Variants in EP400 observed in about 807,000 individuals in gnomAD.
The protein encoded by EP400 is E1A binding protein p400.
A neutral mutation model predicts 354.1 loss-of-function variants in EP400; 105 were observed. The ratio of observed to expected loss-of-function variants is 0.30; its 90% CI spans 0.25 to 0.35. The LOEUF is 0.35. Among genes scored for constraint, EP400 ranks in the 10% least tolerant of loss-of-function variants. The pLI is 1.00. For missense variants in EP400, 3,280 were observed against 4,121.0 expected, an observed-to-expected ratio of 0.80 and a Z score of 5.59; for synonymous variants, 1,646 against 1,716.9, an observed-to-expected ratio of 0.96 and a Z score of 1.02.
intron 39 of EP400, among the ~76,000 whole-genome samples, chr12:132,048,813 G>T (rs1218694238): frequency 6.6e-6 from 1 of 152,216 alleles, no homozygotes; most frequent in Non-Finnish European, 1.5e-5. Context: ...GCCTCCCAAA[G>T]TGTTGGGATT....
At chr12:132,071,150 C>G (rs149772348) in intron 51 of EP400, among the ~76,000 whole-genome samples, 1 of 152,120 alleles carries the variant, frequency 6.6e-6, no homozygotes, top group Non-Finnish European at 1.5e-5. Flanking sequence ...AAATTCTGTT[C>G]TTTTCTACTT....
At chr12:131,954,264 G>T (rs991291178) in intron 1 of EP400, among the ~76,000 whole-genome samples, 5 of 151,702 alleles carry the variant, frequency 3.3e-5, no homozygotes, top group Non-Finnish European at 4.4e-5. Context: ...ATGTGTGTGT[G>T]TCAGCGTCTC....
intron 13 of EP400, among the ~76,000 whole-genome samples, chr12:132,005,705 C>A (rs1333091719): frequency 6.6e-6 from 1 of 152,044 alleles, no homozygotes. Flanking sequence ...GAAGGAGTGG[C>A]GGGTTTGGTC....
chr12:132,013,520 G>A lies in EP400; in HGVS notation c.3642G>A (p.Pro1214=), dbSNP rs764523068. The A allele has an allele frequency of 1.8e-5, 29 of 1,593,516 alleles. 2 individuals carry two copies. The highest frequency in any genetic ancestry group is 1.1e-4 in the South Asian group (10 of 88,312). ...SQQRLLLIDS[P]LHNTFLELWT... Reference sequence around the variant, plus strand: ...AACGTCTGCTTCTGATCGACTCGCCGCTGCACAATACCTTCCTGGAGCTCT... The same window carrying A: ...AACGTCTGCTTCTGATCGACTCGCCACTGCACAATACCTTCCTGGAGCTCT... The change falls in exon 18 of 53, where the codon CCG becomes CCA. Residue 1214 remains proline (P), a synonymous_variant. Transcript: ENST00000389561. This position sits in a 1 kb window ranked among gnomAD's most constrained non-coding sequence, Gnocchi z 4.5.
intron 15 of EP400, among the ~76,000 whole-genome samples, chr12:132,010,594 A>G (rs1322402796): frequency 1.3e-5 from 2 of 152,234 alleles, no homozygotes; most frequent in Admixed American, 6.5e-5. Flanking sequence ...TTTATGTTAC[A>G]TTTATAGCAC....
rs537614857 is a variant in EP400 at position 132,044,272 on chromosome 12, G to A, written c.6546G>A (p.Ala2182=). 8 of 1,614,092 alleles carry A rather than the reference G, an allele frequency of 5.0e-6. No individual in the cohort carries two copies. In the African/African-American group the frequency reaches 9.3e-5, roughly 19 times the overall value. The part of the protein sequence containing the change: ...EARLRLEQEE[A]ELLTYTREDA... ...GGCTGCGGCTGGAGCAGGAGGAGGC[G>A]GAGCTCCTGACCTACACGCGAGAGG... is the stretch of plus-strand genomic sequence containing the variant. The change falls in exon 35 of 53, where the codon GCG becomes GCA. Residue 2182 remains alanine (A), a synonymous_variant. Transcript: ENST00000389561.
chr12:131,985,683 C>T (rs1172899496), intron 5 of EP400, among the ~76,000 whole-genome samples: 1 of 152,236 alleles, frequency 6.6e-6, no homozygotes, highest in East Asian at 1.9e-4. Context: ...TCTCAGCTCA[C>T]CACAACCTCC....
chr12:132,044,673 G>GT lies in EP400; in HGVS notation c.6589dup (p.Tyr2197LeufsTer39). 6.2e-7 allele frequency: 1 copy of GT among 1,614,198 alleles called. No individual in the cohort carries two copies. ...AGAGCTTGCCGTGTTCCCTACAGGA[G>GT]TATGTCTACGAAGATGTCGATGGGC... On this transcript the variant is annotated frameshift_variant, in exon 36 of 53. Transcript: ENST00000389561. LOFTEE classifies it high-confidence loss of function.
rs1048817647 is a variant in EP400, at chr12:132,069,754, G to T, written c.9021+113G>T. 10 of 1,467,676 alleles carry T rather than the reference G, an allele frequency of 6.8e-6. No individual in the cohort carries two copies. The African/African-American group carries it at 1.4e-4, about 21-fold the overall frequency. 90.9% of individuals were successfully genotyped at this position (1,467,676 alleles called of 1,614,324 possible). ...AGCCCTTGCGGCTGCACTGGGTGGTGCACTGGAGGGAAGTGTTGTCTCCTG... is the reference window on the plus strand; with the variant it reads ...AGCCCTTGCGGCTGCACTGGGTGGTTCACTGGAGGGAAGTGTTGTCTCCTG... On this transcript the variant is annotated intron_variant, in intron 51 of 52. Transcript: ENST00000389561.
Position 132,029,506 on chromosome 12 carries a change from G to T in EP400, c.5382-195G>T. 1 of 618,036 alleles carries T rather than the reference G, an allele frequency of 1.6e-6. No individual in the cohort carries two copies. The highest frequency in any genetic ancestry group is 2.8e-6 in the Non-Finnish European group (1 of 352,178). The allele number at this position is 618,036 out of a possible 1,614,324, so 38.3% of individuals were successfully genotyped here. ...TTAGTCCCCGAGGTGGTGGTTATTG[G>T]CCAGGACTGGTTAGGATCTGCCTCG... On this transcript the variant is annotated intron_variant, in intron 27 of 52. Coordinates refer to ENST00000389561, the MANE Select transcript of EP400 (RefSeq NM_015409.5). The surrounding 1 kb of genome is among the most constrained non-coding windows in gnomAD (Gnocchi z 4.7).
At chr12:132,043,187 G>A (rs138641875) in intron 32 of EP400, 117 bp from the exon 33 acceptor site, 1 of 1,110,636 alleles carries the variant, frequency 9.0e-7, no homozygotes, top group African/African-American at 1.6e-5. Context: ...TTACCTTTAT[G>A]GAGAGTGGGT....
chr12:131,999,622 A>G (rs1286228096), intron 12 of EP400, among the ~76,000 whole-genome samples: 1 of 151,978 alleles, frequency 6.6e-6, no homozygotes, highest in Non-Finnish European at 1.5e-5. Context: ...TATTTTTAGT[A>G]GAGATAGGGT....
chr12:132,062,682 C>G lies in EP400; in HGVS notation c.8315C>G (p.Ala2772Gly). Residue 2772 changes from alanine to glycine, a missense_variant, in exon 47 of 53, where the codon GCT becomes GGT. Ala to Gly is a moderately conservative substitution (Grantham distance 60, BLOSUM62 0). Coordinates refer to ENST00000389561, the MANE Select transcript of EP400 (RefSeq NM_015409.5). ...GCCCAGTCCCCAGCACAGATCAAAGCTGTGGGCAAGCTGACGCCGGTGAGC... is the reference window on the plus strand; with the variant it reads ...GCCCAGTCCCCAGCACAGATCAAAGGTGTGGGCAAGCTGACGCCGGTGAGC... ...GQAQSPAQIK[A>G]VGKLTPEHLI... The G allele has an allele frequency of 1.9e-6, 3 of 1,613,888 alleles. No homozygotes were observed. Among genetic ancestry groups the G allele is most frequent in the Non-Finnish European group, 2.5e-6 (3 of 1,179,764 alleles).
At position 132,028,231 on chromosome 12, in the gene EP400, G is replaced by A; in HGVS notation, c.5324G>A (p.Ser1775Asn). The stretch of plus-strand genomic sequence containing the variant: ...TACACTTCATCCTCAGAAAGTCCAA[G>A]TGAGCTGATGTTGACGCTTTGTCGG... ...HSYTSSSESP[S>N]ELMLTLCRCG... The change falls in exon 27 of 53, where the codon AGT becomes AAT. Residue 1775 changes from serine (S) to asparagine (N), a missense_variant. Physicochemically the swap from Ser to Asn is conservative, Grantham distance 46. Coordinates refer to ENST00000389561, the MANE Select transcript of EP400 (RefSeq NM_015409.5). 4.3e-6 allele frequency: 7 copies of A among 1,614,202 alleles called. No individual in the cohort carries two copies. Among genetic ancestry groups the A allele is most frequent in the Non-Finnish European group, 5.1e-6 (6 of 1,180,038 alleles).
chr12:132,036,402 G>A (rs1364932606), intron 30 of EP400, among the ~76,000 whole-genome samples: 4 of 142,096 alleles, frequency 2.8e-5, no homozygotes, highest in African/African-American at 5.3e-5. Flanking sequence ...ACGGAGCATC[G>A]TGGAACAACA....
chr12:132,047,741 A>G (rs1467122939), intron 39 of EP400, among the ~76,000 whole-genome samples: 1 of 152,218 alleles, frequency 6.6e-6, no homozygotes, highest in Non-Finnish European at 1.5e-5. Context: ...ACAGGGTTTG[A>G]GAGCAGACAA....
chr12:131,960,210 T>C (rs113898133), intron 1 of EP400, among the ~76,000 whole-genome samples: 1 of 152,204 alleles, frequency 6.6e-6, no homozygotes, highest in African/African-American at 2.4e-5. Context: ...CAGATACTCC[T>C]GTAGCTCAGT....
At chr12:132,060,246 A>T (rs1199591266) in intron 45 of EP400, among the ~76,000 whole-genome samples, 1 of 152,190 alleles carries the variant, frequency 6.6e-6, no homozygotes, top group Non-Finnish European at 1.5e-5. Context: ...CATCCTACAC[A>T]CAACATGGGA....
chr12:132,019,196 T>C lies in EP400; in HGVS notation c.4277+820T>C, dbSNP rs1664184945. Among the ~76,000 whole-genome samples the C allele has an allele frequency of 2.0e-5, 3 of 152,294 alleles. No individual in the cohort carries two copies. The South Asian group carries it at 6.2e-4, about 32-fold the overall frequency. ...TAGTCTGTCTTTTTAAAATGGCTTT[T>C]TACAAAAAAGTTTATAAAAGTTTTT... On this transcript the variant is annotated intron_variant, in intron 21 of 52. Transcript: ENST00000389561.
Sources: gnomAD v4.1 joint callset for allele counts (sites outside exome capture counted in the v4.1 genomes callset) on GRCh38, gnomAD v4.1.1 for gene constraint, Gnocchi (gnomAD v3.1) non-coding constraint, MANE v1.5 for transcripts, NCBI Gene and HGNC (gene_info 2026-07-23, HGNC 2026-07-21) for gene names.